The following ERC2 variants were observed in gnomAD, a reference collection of about 807,000 sequenced individuals.
The protein encoded by ERC2 is ELKS/RAB6-interacting/CAST family member 2, also known as ERC protein 2.
Under a neutral mutation model 114.8 loss-of-function variants are expected in ERC2, and 42 were observed. The observed-to-expected ratio is 0.37, with a 90% CI of 0.29 to 0.47. ERC2 has a LOEUF of 0.47. ERC2 is among the 20% of genes least tolerant of loss of function. The pLI, the probability that ERC2 is intolerant of heterozygous loss-of-function variation, is 0.99. For synonymous variants in ERC2, 454 were observed against 425.5 expected (o/e 1.07, Z -0.82); for missense variants, 939 against 1,150.7 (o/e 0.82, Z 2.66).
intron 8 of ERC2, among the ~76,000 whole-genome samples, chr3:56,016,249 G>T (rs1217637214): frequency 6.6e-6 from 1 of 151,918 alleles, no homozygotes; most frequent in Admixed American, 6.6e-5. Context: ...TGTTGCAATT[G>T]CTTTAGACAT....
At chr3:55,911,721 C>A (rs1332046464) in intron 13 of ERC2, among the ~76,000 whole-genome samples, 1 of 152,142 alleles carries the variant, frequency 6.6e-6, no homozygotes, top group East Asian at 1.9e-4. Context: ...ACTAAAATTC[C>A]TTTTCTTCAA....
chr3:55,731,274 C>T (rs575880479), intron 15 of ERC2, among the ~76,000 whole-genome samples: 2 of 152,304 alleles, frequency 1.3e-5, no homozygotes, highest in East Asian at 3.9e-4. Flanking sequence ...AATGTGTTCT[C>T]AACATGTGCC....
intron 12 of ERC2, among the ~76,000 whole-genome samples, chr3:55,982,080 A>G (rs971402665): frequency 3.9e-5 from 6 of 152,246 alleles, no homozygotes; most frequent in Non-Finnish European, 8.8e-5. Context: ...ATAAAAGGAG[A>G]GGCTGGCTGG....
chr3:55,979,734 G>A (rs539422207), intron 12 of ERC2, among the ~76,000 whole-genome samples: 1 of 151,124 alleles, frequency 6.6e-6, no homozygotes, highest in African/African-American at 2.4e-5. Context: ...CACACCAGGA[G>A]TTTGAGATCA....
At chr3:56,041,670 A>C (rs993592985) in intron 7 of ERC2, among the ~76,000 whole-genome samples, 15 of 151,872 alleles carry the variant, frequency 9.9e-5, no homozygotes, top group East Asian at 3.9e-4. Context: ...CTGGCAATTC[A>C]GGGCTGCAGG....
At chr3:55,522,571 C>CAG (rs1404928589) in intron 17 of ERC2, among the ~76,000 whole-genome samples, 2 of 147,422 alleles carry the variant, frequency 1.4e-5, no homozygotes, top group African/African-American at 5.1e-5. Context: ...GAAAAGCAAG[C>CAG]AGAGGTTATT....
chr3:56,339,953 C>G (rs1005661125), intron 2 of ERC2, among the ~76,000 whole-genome samples: 2 of 152,178 alleles, frequency 1.3e-5, no homozygotes, highest in East Asian at 3.9e-4. Flanking sequence ...CTACATACCT[C>G]AGAGGTGCTA....
intron 7 of ERC2, among the ~76,000 whole-genome samples, chr3:56,079,903 A>G (rs9838245): frequency 0.2 from 30,295 of 152,068 alleles, 3,420 homozygotes; most frequent in African/African-American, 0.3. Flanking sequence ...AAATGATGAT[A>G]GCAGGTGACA....
chr3:56,296,554 G>T, intron 2 of ERC2, 119 bp from the exon 3 acceptor site: 1 of 1,100,384 alleles, frequency 9.1e-7, no homozygotes, highest in South Asian at 1.7e-5. Flanking sequence ...GAGGTCCGGA[G>T]GGCCAGCCAT....
intron 13 of ERC2, among the ~76,000 whole-genome samples, chr3:55,917,684 T>C (rs2065182945): frequency 6.6e-6 from 1 of 152,118 alleles, no homozygotes; most frequent in Admixed American, 6.6e-5. Flanking sequence ...AGGTACAGAG[T>C]TTCCTTTTGA....
At chr3:55,693,713 CTT>C (rs946071281) in intron 16 of ERC2, among the ~76,000 whole-genome samples, 1 of 145,788 alleles carries the variant, frequency 6.9e-6, no homozygotes. Flanking sequence ...ATTTTTTCTT[CTT>C]TTTTTTTTTT....
chr3:55,623,566 G>A (rs898851472), intron 17 of ERC2, among the ~76,000 whole-genome samples: 2 of 152,030 alleles, frequency 1.3e-5, no homozygotes, highest in African/African-American at 4.8e-5. Context: ...TGTTCCCCTG[G>A]TCACCTGCTT....
intron 15 of ERC2, among the ~76,000 whole-genome samples, chr3:55,699,876 C>G (rs2063130138): frequency 6.6e-6 from 1 of 152,148 alleles, no homozygotes; most frequent in African/African-American, 2.4e-5. Context: ...GACCAACACT[C>G]TAGAGCAAGC....
intron 7 of ERC2, among the ~76,000 whole-genome samples, chr3:56,029,172 T>C (rs2074230814): frequency 6.6e-6 from 1 of 152,128 alleles, no homozygotes; most frequent in South Asian, 2.1e-4. Flanking sequence ...TATTATTCTT[T>C]TTAAACATTT....
chr3:55,853,880 A>G (rs1428382034), intron 14 of ERC2, among the ~76,000 whole-genome samples: 2 of 152,208 alleles, frequency 1.3e-5, no homozygotes, highest in Non-Finnish European at 1.5e-5. Context: ...TAACACTACT[A>G]AGCTGGACAC....
intron 13 of ERC2, among the ~76,000 whole-genome samples, chr3:55,940,790 T>G (rs2066736869): frequency 6.6e-6 from 1 of 152,200 alleles, no homozygotes; most frequent in African/African-American, 2.4e-5. Flanking sequence ...AACTCACTAC[T>G]TAAAATAAAG....
intron 7 of ERC2, among the ~76,000 whole-genome samples, chr3:56,066,465 A>C (rs1271022065): frequency 2.0e-5 from 3 of 152,092 alleles, no homozygotes; most frequent in African/African-American, 7.2e-5. Flanking sequence ...ACCTTTGTAA[A>C]AGGGGTGGAT....
At chr3:56,249,016 T>C (rs556554429) in intron 3 of ERC2, among the ~76,000 whole-genome samples, 1 of 152,344 alleles carries the variant, frequency 6.6e-6, no homozygotes, top group East Asian at 1.9e-4. Context: ...GCACTGTTAA[T>C]GCAAAGTATA....
chr3:55,781,877 A>T (rs1047944460), intron 14 of ERC2, among the ~76,000 whole-genome samples: 2 of 102,808 alleles, frequency 1.9e-5, no homozygotes, highest in Admixed American at 8.5e-5. Flanking sequence ...AGCCTCACAG[A>T]AAAAAAAAAA....
Sources: allele counts gnomAD v4.1 joint callset (sites outside exome capture counted in the v4.1 genomes callset), GRCh38; gene constraint gnomAD v4.1.1; transcripts MANE v1.5; gene names NCBI Gene and HGNC (gene_info 2026-07-23, HGNC 2026-07-21).